The following LRRC37A variants were observed in gnomAD, a reference collection of about 807,000 sequenced individuals.
LRRC37A encodes leucine rich repeat containing 37A, also known as leucine-rich repeat-containing protein 37A.
LRRC37A carries 3 observed loss-of-function variants against 35.4 expected under a neutral mutation model. The ratio of observed to expected loss-of-function variants is 0.08; its 90% CI spans 0.04 to 0.22. The LOEUF (loss-of-function observed/expected upper bound fraction) is 0.22, where lower values mean the gene tolerates loss of function less well. LRRC37A is among the 10% of genes least tolerant of loss of function. LRRC37A has a pLI of 1.00. For synonymous variants in LRRC37A, 23 were observed against 215.0 expected, an observed-to-expected ratio of 0.11 and a Z score of 7.81; for missense variants, 67 against 565.3, an observed-to-expected ratio of 0.12 and a Z score of 8.94.
chr17:46,252,775 C>CTT, the LRRC37A span, among the ~76,000 whole-genome samples: 2 of 152,176 alleles, frequency 1.3e-5, no homozygotes, highest in African/African-American at 4.8e-5. Flanking sequence ...GTCTACCCGC[C>CTT]TCTACACAGA....
chr17:46,274,063 G>A, the LRRC37A span, among the ~76,000 whole-genome samples: 1 of 152,208 alleles, frequency 6.6e-6, no homozygotes, highest in Non-Finnish European at 1.5e-5. Flanking sequence ...GATAAAACGA[G>A]GGGCCACTGC....
chr17:46,254,533 C>T, the LRRC37A span, among the ~76,000 whole-genome samples: 1 of 148,304 alleles, frequency 6.7e-6, no homozygotes, highest in Admixed American at 6.9e-5. Flanking sequence ...CGCATGCCAC[C>T]TTGCCCAGCT....
At chr17:46,290,166 A>G (rs2050027225), upstream of LRRC37A, among the ~76,000 whole-genome samples, 1 of 152,242 alleles carries the variant, frequency 6.6e-6, no homozygotes, top group Non-Finnish European at 1.5e-5. Flanking sequence ...GCCTCACTTG[A>G]TCGCCCCGGC....
chr17:46,261,795 G>T, the LRRC37A span, among the ~76,000 whole-genome samples: 1 of 151,562 alleles, frequency 6.6e-6, no homozygotes, highest in Admixed American at 6.6e-5. Flanking sequence ...AAAATATTAA[G>T]ATCTGATAAA....
At chr17:46,259,761 A>G in the LRRC37A span, 268 of 1,560,984 alleles carry the variant, frequency 1.7e-4, no homozygotes, top group African/African-American at 3.5e-3. Context: ...GGTGCCAGCC[A>G]GCAGGTCCTA....
intron 3 of LRRC37A, among the ~76,000 whole-genome samples, chr17:46,305,128 G>A (rs1334220437): frequency 8.0e-5 from 7 of 87,074 alleles, no homozygotes; most frequent in South Asian, 3.6e-4. Context: ...CTCGGCCTCC[G>A]AAAGTGCTGG....
intron 10 of LRRC37A, among the ~76,000 whole-genome samples, chr17:46,333,251 C>T (rs1489769019): frequency 1.6e-5 from 1 of 62,750 alleles, no homozygotes; most frequent in East Asian, 2.7e-4. Context: ...CATACTCTAG[C>T]CCTCCTGAGC....
upstream of LRRC37A, among the ~76,000 whole-genome samples, chr17:46,290,217 C>T (rs1489035858): frequency 3.3e-5 from 5 of 151,410 alleles, no homozygotes; most frequent in African/African-American, 9.7e-5. Flanking sequence ...GCAGGGTCGA[C>T]CTCCTGGGGT....
At chr17:46,277,476 G>T in the LRRC37A span, among the ~76,000 whole-genome samples, 1 of 152,150 alleles carries the variant, frequency 6.6e-6, no homozygotes, top group Non-Finnish European at 1.5e-5. Context: ...TTTAGAAATT[G>T]AACCAGAGGA....
At chr17:46,277,653 C>CTTTCTTTCT in the LRRC37A span, among the ~76,000 whole-genome samples, 4,503 of 135,900 alleles carry the variant, frequency 0.033, 1 homozygote, top group Non-Finnish European at 0.048. Flanking sequence ...TTCTTTCTTT[C>CTTTCTTTCT]TTTTTTTTTT....
At chr17:46,274,285 C>A in the LRRC37A span, among the ~76,000 whole-genome samples, 14 of 152,180 alleles carry the variant, frequency 9.2e-5, no homozygotes, top group Non-Finnish European at 1.9e-4. Context: ...CAAATGTTTA[C>A]AAAGAAGATA....
chr17:46,288,548 T>C (rs2143433775), upstream of LRRC37A, among the ~76,000 whole-genome samples: 1 of 152,202 alleles, frequency 6.6e-6, no homozygotes, highest in South Asian at 2.1e-4. Flanking sequence ...TCCACCTGCC[T>C]TGGCCTCCCA....
At chr17:46,253,559 C>A in the LRRC37A span, among the ~76,000 whole-genome samples, 1 of 152,236 alleles carries the variant, frequency 6.6e-6, no homozygotes, top group Non-Finnish European at 1.5e-5. Flanking sequence ...CCAGCCCGGC[C>A]AACGCAGCGA....
upstream of LRRC37A, among the ~76,000 whole-genome samples, chr17:46,291,981 A>AC (rs2050083696): frequency 4.0e-5 from 5 of 123,644 alleles, no homozygotes; most frequent in East Asian, 2.3e-4. Flanking sequence ...AAAAAAAAAA[A>AC]AAAAAAGCCA....
chr17:46,279,184 CTTTT>C, the LRRC37A span, among the ~76,000 whole-genome samples: 14,402 of 130,400 alleles, frequency 0.11, no homozygotes, highest in Middle Eastern at 0.17. Flanking sequence ...TCTTTTTTTT[CTTTT>C]TTTTTTTTTT....
At chr17:46,258,134 C>G in the LRRC37A span, among the ~76,000 whole-genome samples, 1 of 152,188 alleles carries the variant, frequency 6.6e-6, no homozygotes, top group African/African-American at 2.4e-5. Flanking sequence ...CCCCACATAG[C>G]TAGAGTGAAT....
Position 46,328,012 on chromosome 17 carries a change from C to G in LRRC37A, c.3054-380C>G, listed in dbSNP as rs1190367722. Among the ~76,000 whole-genome samples the G allele has an allele frequency of 3.5e-5, 2 of 57,884 alleles. 1 individual carries two copies. The highest frequency in any genetic ancestry group is 7.4e-5 in the African/African-American group (2 of 27,172). 38.0% of individuals were successfully genotyped at this position (57,884 alleles called of 152,430 possible). On this transcript the variant is annotated intron_variant, in intron 7 of 13. Transcript: ENST00000320254. ...GAGTAATTTATAATATTTCCCACTC[C>G]CAACAGGAATTGAGAAAGGGACTCC...
chr17:46,248,069 C>T, the LRRC37A span, among the ~76,000 whole-genome samples: 5 of 151,816 alleles, frequency 3.3e-5, no homozygotes, highest in Non-Finnish European at 4.4e-5. Flanking sequence ...ATGAATGTTT[C>T]GGCTTTCTTC....
At chr17:46,285,312 C>T in the LRRC37A span, among the ~76,000 whole-genome samples, 2 of 150,388 alleles carry the variant, frequency 1.3e-5, no homozygotes, top group East Asian at 2.0e-4. Flanking sequence ...TCGATCTTGG[C>T]TCACTGCAAC....
Sources: gnomAD v4.1 joint callset for allele counts (sites outside exome capture counted in the v4.1 genomes callset) on GRCh38, gnomAD v4.1.1 for gene constraint, MANE v1.5 for transcripts, NCBI Gene and HGNC (gene_info 2026-07-23, HGNC 2026-07-21) for gene names.